GALNT14: variants seen among roughly 807,000 people sequenced by gnomAD.
GALNT14 encodes UDP-GalNAc:polypeptide N-acetylgalactosaminyltransferase 14.
A neutral mutation model predicts 77.5 loss-of-function variants in GALNT14; 60 were observed. The observed-to-expected ratio is 0.77, with a 90% CI of 0.63 to 0.96. The LOEUF (loss-of-function observed/expected upper bound fraction) is 0.96, where lower values mean the gene tolerates loss of function less well. Ranked by LOEUF, GALNT14 falls within the 40% of genes least tolerant of loss-of-function variation. The pLI, the probability that GALNT14 is intolerant of heterozygous loss-of-function variation, is 0.00. For missense variants in GALNT14, 710 were observed against 731.0 expected (o/e 0.97, Z 0.33); for synonymous variants, 280 against 281.7 (o/e 0.99, Z 0.06).
intron 9 of GALNT14, among the ~76,000 whole-genome samples, chr2:30,940,828 G>C (rs1048324945): frequency 1.3e-5 from 2 of 152,180 alleles, no homozygotes; most frequent in Non-Finnish European, 2.9e-5. Flanking sequence ...CATGGGCTGG[G>C]TCCCAGGGAA....
intron 11 of GALNT14, among the ~76,000 whole-genome samples, chr2:30,928,172 G>A (rs534740321): frequency 1.3e-5 from 2 of 152,202 alleles, no homozygotes; most frequent in African/African-American, 2.4e-5. Context: ...TGGATTTATG[G>A]TTTCAGAGAT....
the GALNT14 span, among the ~76,000 whole-genome samples, chr2:30,899,009 G>A: frequency 6.6e-6 from 1 of 152,190 alleles, no homozygotes; most frequent in Non-Finnish European, 1.5e-5. Context: ...TGAAGCGCAG[G>A]CTTGCAGAAT....
At chr2:31,009,658 A>G (rs892995767) in intron 1 of GALNT14, among the ~76,000 whole-genome samples, 2 of 152,212 alleles carry the variant, frequency 1.3e-5, no homozygotes, top group African/African-American at 4.8e-5. Flanking sequence ...TGGATTTCAA[A>G]TGGAACTCTT....
chr2:30,892,809 C>T, the GALNT14 span, among the ~76,000 whole-genome samples: 2 of 152,194 alleles, frequency 1.3e-5, no homozygotes, highest in Admixed American at 6.5e-5. Context: ...GCCTTTATCT[C>T]TGATCCAGGT....
chr2:31,001,310 A>G (rs1670356623), intron 1 of GALNT14, among the ~76,000 whole-genome samples: 1 of 152,202 alleles, frequency 6.6e-6, no homozygotes, highest in African/African-American at 2.4e-5. Context: ...GAAAATCTTC[A>G]ACATGAAAGA....
intron 1 of GALNT14, among the ~76,000 whole-genome samples, chr2:31,133,271 G>A (rs575191917): frequency 1.6e-4 from 25 of 152,286 alleles, no homozygotes; most frequent in Non-Finnish European, 3.2e-4. Context: ...ACAAGAACCC[G>A]TTGGACAGTT....
At chr2:31,028,175 C>A (rs1038289016) in intron 1 of GALNT14, among the ~76,000 whole-genome samples, 1 of 152,182 alleles carries the variant, frequency 6.6e-6, no homozygotes, top group Non-Finnish European at 1.5e-5. Flanking sequence ...GAGGTCCTCA[C>A]CCACATAGTT....
chr2:31,067,102 C>T (rs1334215263), intron 1 of GALNT14, among the ~76,000 whole-genome samples: 1 of 152,200 alleles, frequency 6.6e-6, no homozygotes, highest in Non-Finnish European at 1.5e-5. Context: ...ATAGTATCTG[C>T]CCTGCCATTA....
chr2:31,028,653 A>C (rs781536214), intron 1 of GALNT14, among the ~76,000 whole-genome samples: 1 of 152,230 alleles, frequency 6.6e-6, no homozygotes, highest in Non-Finnish European at 1.5e-5. Context: ...GTGAAACACC[A>C]GGGGCTATTT....
chr2:30,933,645 A>G (rs6744249), intron 9 of GALNT14, among the ~76,000 whole-genome samples: 66,872 of 152,024 alleles, frequency 0.44, 15,610 homozygotes, highest in African/African-American at 0.6. Flanking sequence ...GGTGGGGACC[A>G]TGTAGACTCA....
intron 6 of GALNT14, among the ~76,000 whole-genome samples, chr2:30,950,197 G>C (rs1666944146): frequency 6.6e-6 from 1 of 152,082 alleles, no homozygotes; most frequent in South Asian, 2.1e-4. Flanking sequence ...ATGCTTTGCA[G>C]AGATTGGAGT....
intron 9 of GALNT14, among the ~76,000 whole-genome samples, chr2:30,935,423 C>G (rs975005467): frequency 6.6e-6 from 1 of 152,220 alleles, no homozygotes; most frequent in African/African-American, 2.4e-5. Context: ...TCATCCAGTC[C>G]TGAAGGATGT....
At chr2:30,975,667 C>T (rs1431267722) in intron 2 of GALNT14, among the ~76,000 whole-genome samples, 1 of 151,948 alleles carries the variant, frequency 6.6e-6, no homozygotes, top group Non-Finnish European at 1.5e-5. Context: ...AAATCATTGT[C>T]CTAAGTTGTC....
At chr2:31,038,064 C>CCATATA (rs1260950515) in intron 1 of GALNT14, among the ~76,000 whole-genome samples, 1 of 83,202 alleles carries the variant, frequency 1.2e-5, no homozygotes, top group African/African-American at 5.3e-5. Context: ...CCCTTATTTG[C>CCATATA]CATATATATA....
At chr2:30,932,885 T>G (rs957108072) in intron 9 of GALNT14, among the ~76,000 whole-genome samples, 1 of 152,226 alleles carries the variant, frequency 6.6e-6, no homozygotes, top group African/African-American at 2.4e-5. Flanking sequence ...TAGAAAATGC[T>G]GGAAGCCTCA....
At chr2:31,047,259 G>A (rs959456456) in intron 1 of GALNT14, among the ~76,000 whole-genome samples, 30 of 152,192 alleles carry the variant, frequency 2.0e-4, no homozygotes, top group African/African-American at 7.2e-4. Flanking sequence ...ATGGTGGGAA[G>A]GGAAGTAGGA....
intron 1 of GALNT14, among the ~76,000 whole-genome samples, chr2:31,121,402 A>C (rs1678407194): frequency 6.6e-6 from 1 of 152,210 alleles, no homozygotes; most frequent in Admixed American, 6.5e-5. Flanking sequence ...ATTTCACTGA[A>C]TTGCCCCTTT....
chr2:31,068,657 C>T (rs919736147), intron 1 of GALNT14, among the ~76,000 whole-genome samples: 1 of 152,192 alleles, frequency 6.6e-6, no homozygotes, highest in Admixed American at 6.5e-5. Flanking sequence ...AACAGAGCAG[C>T]TCACCACTGC....
At chr2:30,916,520 G>A (rs1190962263) in intron 13 of GALNT14, among the ~76,000 whole-genome samples, 1 of 152,232 alleles carries the variant, frequency 6.6e-6, no homozygotes, top group East Asian at 1.9e-4. Flanking sequence ...TGGGGGCTGA[G>A]GAGGAGGGGA....
Sources: allele counts gnomAD v4.1 joint callset (sites outside exome capture counted in the v4.1 genomes callset), GRCh38; gene constraint gnomAD v4.1.1; transcripts MANE v1.5; gene names NCBI Gene and HGNC (gene_info 2026-07-23, HGNC 2026-07-21).